Variants in RUBCN observed in about 807,000 individuals in gnomAD.
RUBCN encodes the protein rubicon autophagy regulator, also known as run domain Beclin-1-interacting and cysteine-rich domain-containing protein.
RUBCN carries 74 observed loss-of-function variants against 113.2 expected under a neutral mutation model. That is an observed-to-expected ratio of 0.65 (90% CI 0.54 to 0.79). The LOEUF is 0.79. RUBCN is among the 30% of genes least tolerant of loss of function. The probability of loss-of-function intolerance (pLI) is 0.00; values close to 1 mark genes in which losing one functional copy is unlikely to be tolerated. For missense variants in RUBCN, 1,109 were observed against 1,251.7 expected, an observed-to-expected ratio of 0.89 and a Z score of 1.72; for synonymous variants, 480 against 490.0, an observed-to-expected ratio of 0.98 and a Z score of 0.27.
intron 8 of RUBCN, 42 bp downstream of exon 8, chr3:197,696,912 G>C (rs746665373): frequency 9.2e-7 from 1 of 1,088,264 alleles, no homozygotes; most frequent in Non-Finnish European, 1.4e-6. Flanking sequence ...GGGGTGAGCA[G>C]AGAAAATATA....
At chr3:197,730,995 T>G (rs963805989) in intron 1 of RUBCN, among the ~76,000 whole-genome samples, 1 of 151,308 alleles carries the variant, frequency 6.6e-6, no homozygotes, top group Non-Finnish European at 1.5e-5. Context: ...AGAGGTTTTT[T>G]GTTTTTGTTT....
rs958232867 is a variant in RUBCN, at chr3:197,671,710, A to C, written c.*3308T>G. 10 of 152,364 alleles carry C rather than the reference A, an allele frequency of 6.6e-5. No homozygotes were observed. The East Asian group carries it at 1.9e-3, about 29-fold the overall frequency. 9.4% of individuals were successfully genotyped at this position (152,364 alleles called of 1,614,324 possible). A position where few individuals can be genotyped will look rare whatever the true frequency, so the allele number is the denominator to read the frequency against. On this transcript the variant is annotated 3_prime_UTR_variant, in exon 20 of 20. Transcript: ENST00000296343. ...GAAGAGAAAGATGCTAGCTGCTCAC[A>C]GAAGTGGGAACTGAAGCATCTAAGG...
chr3:197,699,853 G>A (rs1363691317), intron 7 of RUBCN, among the ~76,000 whole-genome samples: 3 of 151,854 alleles, frequency 2.0e-5, no homozygotes, highest in Admixed American at 6.6e-5. Context: ...TTTTATTTCT[G>A]GGGCTTTCCT....
intron 16 of RUBCN, among the ~76,000 whole-genome samples, chr3:197,677,956 G>A (rs1720648683): frequency 1.4e-5 from 2 of 138,030 alleles, no homozygotes; most frequent in Non-Finnish European, 3.1e-5. Flanking sequence ...GCTCTAACTC[G>A]ACACCTGGCT....
chr3:197,731,536 G>A (rs1305257716), intron 1 of RUBCN, among the ~76,000 whole-genome samples: 1 of 152,186 alleles, frequency 6.6e-6, no homozygotes. Context: ...GGTGGTGGCT[G>A]GGCAGAGGGG....
At chr3:197,739,398 G>GA (rs67135851), upstream of RUBCN, among the ~76,000 whole-genome samples, 102 of 136,404 alleles carry the variant, frequency 7.5e-4, no homozygotes, top group African/African-American at 2.0e-3. Flanking sequence ...TCTGAAAAAA[G>GA]AAAAAAAAAA....
chr3:197,718,925 T>C lies in RUBCN; in HGVS notation c.66-795A>G, dbSNP rs555825509. Among the ~76,000 whole-genome samples the C allele has an allele frequency of 3.3e-5, 5 of 152,328 alleles. No homozygotes were observed. The East Asian group carries it at 9.6e-4, about 29-fold the overall frequency. Reference sequence around the variant, plus strand: ...TGTAGGACTAAGGCGGTCACTAAAATGTCATTTATGATTATACCGTAAGAA... The same window carrying C: ...TGTAGGACTAAGGCGGTCACTAAAACGTCATTTATGATTATACCGTAAGAA... On this transcript the variant is annotated intron_variant, in intron 1 of 19. Coordinates refer to ENST00000296343, the MANE Select transcript of RUBCN (RefSeq NM_014687.4).
intron 12 of RUBCN, 62 bp downstream of exon 12, chr3:197,684,095 G>T: frequency 7.5e-7 from 1 of 1,337,660 alleles, no homozygotes; most frequent in Non-Finnish European, 1.1e-6. Context: ...CAAGAACTGG[G>T]TTTGTTTCTC....
chr3:197,725,040 C>T (rs1726584566), intron 1 of RUBCN, among the ~76,000 whole-genome samples: 1 of 152,034 alleles, frequency 6.6e-6, no homozygotes, highest in Non-Finnish European at 1.5e-5. Context: ...AATCCCTCCC[C>T]ACAAAGAAAG....
At chr3:197,726,124 C>T (rs1003850854) in intron 1 of RUBCN, among the ~76,000 whole-genome samples, 1 of 152,140 alleles carries the variant, frequency 6.6e-6, no homozygotes, top group South Asian at 2.1e-4. Context: ...CGTATGATGT[C>T]GCTATACCAT....
At chr3:197,732,497 T>A (rs1727633173) in intron 1 of RUBCN, among the ~76,000 whole-genome samples, 2 of 152,192 alleles carry the variant, frequency 1.3e-5, no homozygotes, top group African/African-American at 4.8e-5. Flanking sequence ...GTATTTTTAG[T>A]AGAGACGGGG....
At chr3:197,691,241 C>T in intron 11 of RUBCN, 1 of 650,994 alleles carries the variant, frequency 1.5e-6, no homozygotes, top group South Asian at 1.5e-5. Context: ...TCAAAACTTG[C>T]CATTTGCTCC....
chr3:197,684,118 G>A lies in RUBCN; in HGVS notation c.1847+39C>T, dbSNP rs752155950. 5 of 1,490,590 alleles carry A rather than the reference G, an allele frequency of 3.4e-6. No homozygotes were observed. The East Asian group carries it at 6.8e-5, about 20-fold the overall frequency. 92.3% of individuals were successfully genotyped at this position (1,490,590 alleles called of 1,614,324 possible). On this transcript the variant is annotated intron_variant, in intron 12 of 19. Coordinates refer to ENST00000296343, the MANE Select transcript of RUBCN (RefSeq NM_014687.4). ...GGGTTTGTTTCTCTACATATCCTAAGGTTTTCTTTTCTTTTTTTTGGTAAA... is the reference window on the plus strand; with the variant it reads ...GGGTTTGTTTCTCTACATATCCTAAAGTTTTCTTTTCTTTTTTTTGGTAAA...
chr3:197,670,607 G>A lies in RUBCN; in HGVS notation c.*4411C>T, dbSNP rs1719696546. Among the ~76,000 whole-genome samples the A allele has an allele frequency of 6.6e-6, 1 of 152,186 alleles. No homozygotes were observed. The highest frequency in any genetic ancestry group is 1.5e-5 in the Non-Finnish European group (1 of 68,040). On this transcript the variant is annotated 3_prime_UTR_variant, in exon 20 of 20. Coordinates refer to ENST00000296343, the MANE Select transcript of RUBCN (RefSeq NM_014687.4). ...ACAAAGTGAAGGTTTTGTACTGTAA[G>A]CTATTTTCCTATCTCTAGTTGAAAA...
In RUBCN at chr3:197,704,577, A is replaced by G; in HGVS notation, c.428T>C (p.Leu143Pro). ...HCLSAQLRPL[L>P]GDRQYIRKFY... ...TTTTCTGATATACTGTCTATCCCCG[A>G]GCAGGGGCCGGAGCTGGGCTGAGAG... is the stretch of plus-strand genomic sequence containing the variant. Residue 143 changes from leucine (L) to proline (P), a missense_variant, in exon 4 of 20, where the codon CTC (leucine) becomes CCC (proline). By Grantham distance (98) the Leu-to-Pro change is moderately conservative. Transcript: ENST00000296343. 6.2e-7 allele frequency: 1 copy of G among 1,614,188 alleles called. No individual in the cohort carries two copies.
chr3:197,720,962 C>T (rs533594384), intron 1 of RUBCN, among the ~76,000 whole-genome samples: 5 of 152,082 alleles, frequency 3.3e-5, no homozygotes, highest in African/African-American at 9.6e-5. Context: ...CCATCCTCAC[C>T]GACACCGGCT....
intron 1 of RUBCN, among the ~76,000 whole-genome samples, chr3:197,745,029 G>A (rs1313365807): frequency 6.6e-6 from 1 of 152,144 alleles, no homozygotes; most frequent in Non-Finnish European, 1.5e-5. Context: ...CTTCACACCT[G>A]TAATCCCAGC....
chr3:197,677,135 G>A, intron 17 of RUBCN, 97 bp from the exon 18 acceptor site: 1 of 1,335,720 alleles, frequency 7.5e-7, no homozygotes. Context: ...AAAGTAATGA[G>A]GGTGGGCACC....
At chr3:197,695,108 G>T (rs1193148600) in intron 9 of RUBCN, among the ~76,000 whole-genome samples, 1 of 151,798 alleles carries the variant, frequency 6.6e-6, no homozygotes, top group African/African-American at 2.4e-5. Context: ...CACTCTGGGA[G>T]GCCAAGCCCA....
Sources: allele counts gnomAD v4.1 joint callset (sites outside exome capture counted in the v4.1 genomes callset), GRCh38; gene constraint gnomAD v4.1.1; transcripts MANE v1.5; gene names NCBI Gene and HGNC (gene_info 2026-07-23, HGNC 2026-07-21).